The following ZNF469 variants were observed in gnomAD, a reference collection of about 807,000 sequenced individuals.
The protein encoded by ZNF469 is zinc finger protein 469.
A neutral mutation model predicts 1.0 loss-of-function variants in ZNF469; 1 was observed. That is an observed-to-expected ratio of 1.00 (90% CI 0.35 to 4.73). The LOEUF (loss-of-function observed/expected upper bound fraction) is 4.73. ZNF469 is among the 30% of genes most tolerant of loss of function. The pLI is 0.16. For synonymous variants in ZNF469, 2,703 were observed against 2,363.4 expected (o/e 1.14, Z -4.17); for missense variants, 6,100 against 5,356.3 (o/e 1.14, Z -4.33).
the ZNF469 span, among the ~76,000 whole-genome samples, chr16:88,321,370 C>A: frequency 2.6e-5 from 4 of 152,270 alleles, no homozygotes; most frequent in African/African-American, 9.6e-5. Flanking sequence ...TCTTCAAATT[C>A]TGCATGTAAG....
chr16:88,422,747 A>AATGGATGGATGG (rs56651491), intron 1 of ZNF469, among the ~76,000 whole-genome samples: 1 of 118,914 alleles, frequency 8.4e-6, no homozygotes, highest in African/African-American at 3.6e-5. Context: ...TGGATGAGTG[A>AATGGATGGATGG]ATGGATGGAT....
chr16:88,228,691 C>G, the ZNF469 span, among the ~76,000 whole-genome samples: 13 of 152,202 alleles, frequency 8.5e-5, no homozygotes, highest in African/African-American at 3.1e-4. Flanking sequence ...AAAGCCAGCT[C>G]TTACTCATCT....
At chr16:88,159,402 G>T in the ZNF469 span, among the ~76,000 whole-genome samples, 29 of 152,206 alleles carry the variant, frequency 1.9e-4, no homozygotes, top group Admixed American at 4.6e-4. Flanking sequence ...ACGGCTCACG[G>T]GTCCATCTGA....
chr16:88,255,750 G>C, the ZNF469 span, among the ~76,000 whole-genome samples: 1 of 152,230 alleles, frequency 6.6e-6, no homozygotes, highest in Non-Finnish European at 1.5e-5. Context: ...GGAGTGCTCT[G>C]TCTTACAGAC....
chr16:88,364,206 T>C, the ZNF469 span, among the ~76,000 whole-genome samples: 12 of 152,340 alleles, frequency 7.9e-5, no homozygotes, highest in African/African-American at 2.9e-4. Flanking sequence ...CAGCAGCGTT[T>C]ACTGAAAATA....
At chr16:88,185,795 G>A in the ZNF469 span, among the ~76,000 whole-genome samples, 3 of 143,972 alleles carry the variant, frequency 2.1e-5, no homozygotes, top group African/African-American at 8.0e-5. Flanking sequence ...TGTGAATATA[G>A]TACTCGCACA....
the ZNF469 span, among the ~76,000 whole-genome samples, chr16:88,147,975 C>A: frequency 6.7e-6 from 1 of 150,324 alleles, no homozygotes; most frequent in South Asian, 2.1e-4. Flanking sequence ...CTTTGCACCC[C>A]ACTCTGAAGC....
chr16:88,426,987 G>C (rs1464266045), intron 2 of ZNF469, among the ~76,000 whole-genome samples: 1 of 152,110 alleles, frequency 6.6e-6, no homozygotes, highest in Non-Finnish European at 1.5e-5. Context: ...GCCCCACACA[G>C]GTGCCTGTCC....
At chr16:88,273,718 T>A in the ZNF469 span, among the ~76,000 whole-genome samples, 69 of 152,302 alleles carry the variant, frequency 4.5e-4, no homozygotes, top group African/African-American at 1.5e-3. Flanking sequence ...GCAGCACTAT[T>A]CACAACTGCT....
At position 88,434,992 on chromosome 16, in the gene ZNF469, G is replaced by A. The variant is rs1906469345; in HGVS notation, c.7522G>A (p.Ala2508Thr). 6 of 1,550,138 alleles carry A rather than the reference G, an allele frequency of 3.9e-6. No homozygotes were observed. Among genetic ancestry groups the A allele is most frequent in the African/African-American group, 1.4e-5 (1 of 73,064 alleles). The change falls in exon 3 of 3, where the codon GCG (alanine) becomes ACG (threonine). Residue 2508 changes from alanine to threonine, a missense_variant. Coordinates refer to ENST00000565624, the MANE Select transcript of ZNF469 (RefSeq NM_001367624.2). Reference sequence around the variant, plus strand: ...GGGAGCCCCCGCGGAGCCGAGCCCAGCGGCCTTGCCTGCTCAGCAGCCTCT... The same window carrying A: ...GGGAGCCCCCGCGGAGCCGAGCCCAACGGCCTTGCCTGCTCAGCAGCCTCT... ...HPGAPAEPSP[A>T]ALPAQQPLEP... is the part of the protein sequence containing the mutation.
At chr16:88,419,270 C>G (rs915632224) in intron 1 of ZNF469, among the ~76,000 whole-genome samples, 1 of 152,184 alleles carries the variant, frequency 6.6e-6, no homozygotes, top group Non-Finnish European at 1.5e-5. Context: ...TGACACAGCT[C>G]GGACAGGATC....
the ZNF469 span, among the ~76,000 whole-genome samples, chr16:88,315,658 C>T: frequency 7.9e-5 from 12 of 152,276 alleles, no homozygotes; most frequent in African/African-American, 2.2e-4. Context: ...AGTGCACATC[C>T]GTGCGTCTGC....
At chr16:88,134,445 A>T in the ZNF469 span, among the ~76,000 whole-genome samples, 1 of 152,206 alleles carries the variant, frequency 6.6e-6, no homozygotes, top group Non-Finnish European at 1.5e-5. Flanking sequence ...CAAACCCCTT[A>T]TGGATGGGTC....
At chr16:88,172,126 G>A in the ZNF469 span, among the ~76,000 whole-genome samples, 1 of 152,160 alleles carries the variant, frequency 6.6e-6, no homozygotes, top group Non-Finnish European at 1.5e-5. Flanking sequence ...TTCAGGGAGG[G>A]CAAATAGCAA....
chr16:88,429,011 AG>A lies in ZNF469; in HGVS notation c.1547del (p.Gly516AlafsTer22). The A allele has an allele frequency of 6.5e-7, 1 of 1,549,122 alleles. No homozygotes were observed. On this transcript the variant is annotated frameshift_variant, in exon 3 of 3. Coordinates refer to ENST00000565624, the MANE Select transcript of ZNF469 (RefSeq NM_001367624.2). LOFTEE classifies it low-confidence loss of function (END_TRUNC). ...TTCCCCGCGGGGGGCCCCGAGTGGC[AG>A]GGGGGCAGCCAAGGAGCCCTGGGCA... ...LPFPAGGPEW[Q>X]GGSQGALGTA...
rs1567513605 is a variant in ZNF469 at position 88,433,214 on chromosome 16, G to A, written c.5744G>A (p.Ser1915Asn). Residue 1915 changes from serine to asparagine, a missense_variant, in exon 3 of 3, where the codon AGT (serine) becomes AAT (asparagine). Transcript: ENST00000565624. ...CTCCCAGGGCCTGGAGTGGCTAAGA[G>A]TAAAGATGGCATCCTGGGCTTGCAG... ...LQLPGPGVAKSKDGILGLQEL... is the reference protein window; with the variant it reads ...LQLPGPGVAKNKDGILGLQEL... 1.3e-6 allele frequency: 2 copies of A among 1,550,286 alleles called. No homozygotes were observed. Among genetic ancestry groups the A allele is most frequent in the Non-Finnish European group, 1.7e-6 (2 of 1,146,944 alleles).
At chr16:88,270,463 C>G in the ZNF469 span, among the ~76,000 whole-genome samples, 1 of 152,200 alleles carries the variant, frequency 6.6e-6, no homozygotes, top group African/African-American at 2.4e-5. Flanking sequence ...GCCAGAGGCT[C>G]AGGACAAGGC....
chr16:88,140,182 C>T, the ZNF469 span, among the ~76,000 whole-genome samples: 2 of 151,782 alleles, frequency 1.3e-5, no homozygotes, highest in East Asian at 1.9e-4. Context: ...GTGGCAGAAC[C>T]GATTTAAATG....
the ZNF469 span, among the ~76,000 whole-genome samples, chr16:88,364,568 G>T: frequency 6.9e-6 from 1 of 144,886 alleles, no homozygotes; most frequent in African/African-American, 2.6e-5. Context: ...AATCTGAGAA[G>T]AATCAACGTC....
Sources: gnomAD v4.1 joint callset for allele counts (sites outside exome capture counted in the v4.1 genomes callset) on GRCh38, gnomAD v4.1.1 for gene constraint, MANE v1.5 for transcripts, NCBI Gene and HGNC (gene_info 2026-07-23, HGNC 2026-07-21) for gene names.